DPF3: variants seen among roughly 807,000 people sequenced by gnomAD.
DPF3 encodes zinc finger protein DPF3.
DPF3 carries 18 observed loss-of-function variants against 56.8 expected under a neutral mutation model. The ratio of observed to expected loss-of-function variants is 0.32; its 90% CI spans 0.22 to 0.47. The LOEUF (loss-of-function observed/expected upper bound fraction) is 0.47. DPF3 is among the 20% of genes least tolerant of loss of function. DPF3 has a pLI of 1.00. For missense variants in DPF3, 403 were observed against 488.8 expected, an observed-to-expected ratio of 0.82 and a Z score of 1.65; for synonymous variants, 188 against 180.2, an observed-to-expected ratio of 1.04 and a Z score of -0.35.
intron 9 of DPF3, 117 bp from the exon 10 acceptor site, chr14:72,620,101 C>T: frequency 9.2e-7 from 1 of 1,081,784 alleles, no homozygotes; most frequent in South Asian, 1.9e-5. Flanking sequence ...ATCCCCTTTC[C>T]AGGCCCCACT....
chr14:72,747,397 A>C (rs1890368698), intron 3 of DPF3, among the ~76,000 whole-genome samples: 2 of 152,130 alleles, frequency 1.3e-5, no homozygotes, highest in Non-Finnish European at 2.9e-5. Flanking sequence ...ACAGCTGTTG[A>C]GGGTGACTGC....
At chr14:72,884,953 T>TAG (rs1555516744) in intron 1 of DPF3, among the ~76,000 whole-genome samples, 1 of 73,780 alleles carries the variant, frequency 1.4e-5, no homozygotes, top group Non-Finnish European at 2.9e-5. Flanking sequence ...TATATATATA[T>TAG]ATATATATAT....
At chr14:72,631,705 C>T (rs1035083858) in intron 8 of DPF3, among the ~76,000 whole-genome samples, 2 of 152,216 alleles carry the variant, frequency 1.3e-5, no homozygotes, top group Non-Finnish European at 2.9e-5. Context: ...ACAGAAAAGA[C>T]ACAGTGGGGA....
chr14:72,813,639 G>A lies in DPF3; in HGVS notation c.33-41746C>T, dbSNP rs1173002347. 5.9e-5 allele frequency among the ~76,000 whole-genome samples: 9 copies of A among 152,184 alleles called. 1 individual carries two copies. The highest frequency in any genetic ancestry group is 5.2e-4 in the Admixed American group (8 of 15,286). The stretch of plus-strand genomic sequence containing the variant: ...GAGCAGTGAGAGATAGTGTTGCAGG[G>A]GCCAAAGGCAGCCAGGGGGCTGGAC... On this transcript the variant is annotated intron_variant, in intron 1 of 10. Coordinates refer to ENST00000556509, the MANE Select transcript of DPF3 (RefSeq NM_001280542.3).
intron 1 of DPF3, among the ~76,000 whole-genome samples, chr14:72,782,836 G>GAA (rs34410570): frequency 0.038 from 5,619 of 146,036 alleles, 366 homozygotes; most frequent in African/African-American, 0.13. Flanking sequence ...CCATCTCAAA[G>GAA]AAAAAAAAAA....
chr14:72,733,623 C>A lies in DPF3; in HGVS notation c.302-1689G>T, dbSNP rs188536468. 6.8e-4 allele frequency among the ~76,000 whole-genome samples: 103 copies of A among 152,276 alleles called. No individual in the cohort carries two copies. The East Asian group carries it at 0.016, about 24-fold the overall frequency. On this transcript the variant is annotated intron_variant, in intron 3 of 10. Transcript: ENST00000556509. ...TGCTGCGTCCTCTCCCAAGGGCCAA[C>A]CTTAAACAGAAGCGAGAGGGGAAGG...
intron 9 of DPF3, among the ~76,000 whole-genome samples, chr14:72,625,808 C>T (rs570496585): frequency 3.3e-5 from 5 of 152,274 alleles, no homozygotes; most frequent in Admixed American, 3.3e-4. Flanking sequence ...AAACCAATGC[C>T]TTCAATCTAG....
intron 1 of DPF3, among the ~76,000 whole-genome samples, chr14:72,829,162 TC>T (rs1883943942): frequency 6.6e-6 from 1 of 152,210 alleles, no homozygotes; most frequent in Non-Finnish European, 1.5e-5. Flanking sequence ...TGCCAGGCTT[TC>T]CTTGTTTTCC....
chr14:72,744,753 C>T (rs1480508211), intron 3 of DPF3, among the ~76,000 whole-genome samples: 2 of 152,030 alleles, frequency 1.3e-5, no homozygotes, highest in Non-Finnish European at 2.9e-5. Flanking sequence ...TGGACTCAGG[C>T]AGGGACAGAA....
At chr14:72,723,543 A>T in intron 5 of DPF3, 90 bp downstream of exon 5, 1 of 1,107,864 alleles carries the variant, frequency 9.0e-7, no homozygotes, top group South Asian at 1.6e-5. Flanking sequence ...CATGGCCATG[A>T]TTTCCATCTA....
chr14:72,731,968 A>C, intron 3 of DPF3, 34 bp from the exon 4 acceptor site: 2 of 1,558,026 alleles, frequency 1.3e-6, no homozygotes. Flanking sequence ...AGGTCAGGCC[A>C]CTAGAAGCAG....
chr14:72,633,244 A>AAT (rs1417345027), intron 8 of DPF3, among the ~76,000 whole-genome samples: 14 of 152,118 alleles, frequency 9.2e-5, no homozygotes, highest in Admixed American at 9.2e-4. Flanking sequence ...TGAAACTGAG[A>AAT]ATTCTGGTGG....
At chr14:72,748,161 C>T (rs1310897317) in intron 3 of DPF3, among the ~76,000 whole-genome samples, 1 of 152,174 alleles carries the variant, frequency 6.6e-6, no homozygotes, top group Non-Finnish European at 1.5e-5. Flanking sequence ...ATGACTTTGC[C>T]CCAAATGCTG....
At chr14:72,722,834 G>GTC (rs1336622154) in intron 5 of DPF3, among the ~76,000 whole-genome samples, 1 of 152,124 alleles carries the variant, frequency 6.6e-6, no homozygotes, top group Non-Finnish European at 1.5e-5. Context: ...TGCCTGACCA[G>GTC]TCTCTTGTTT....
At chr14:72,653,387 C>T (rs573239475) in intron 8 of DPF3, among the ~76,000 whole-genome samples, 2 of 152,338 alleles carry the variant, frequency 1.3e-5, no homozygotes, top group South Asian at 2.1e-4. Context: ...GCACCTCTTT[C>T]GGCCTCAGGG....
chr14:72,860,002 C>T (rs1308549594), intron 1 of DPF3, among the ~76,000 whole-genome samples: 2 of 151,874 alleles, frequency 1.3e-5, no homozygotes, highest in Non-Finnish European at 2.9e-5. Context: ...TGTAAGCCCA[C>T]CATGTAAGTA....
chr14:72,732,005 G>A (rs1889676090), intron 3 of DPF3, 71 bp from the exon 4 acceptor site: 3 of 1,531,284 alleles, frequency 2.0e-6, no homozygotes, highest in Non-Finnish European at 2.6e-6. Context: ...AGTCCTGGAG[G>A]ACACGCAGGG....
chr14:72,753,444 C>G, intron 2 of DPF3, 73 bp from the exon 3 acceptor site: 1 of 1,242,060 alleles, frequency 8.1e-7, no homozygotes, highest in East Asian at 2.6e-5. Context: ...CTGACTAACC[C>G]CGTCATTCAC....
intron 8 of DPF3, chr14:72,661,179 T>G (rs1209686440): frequency 1.0e-6 from 1 of 985,250 alleles, no homozygotes; most frequent in Non-Finnish European, 1.2e-6. Context: ...CAGATTATTA[T>G]GATAATTATT....
Sources: gnomAD v4.1 joint callset for allele counts (sites outside exome capture counted in the v4.1 genomes callset) on GRCh38, gnomAD v4.1.1 for gene constraint, MANE v1.5 for transcripts, NCBI Gene and HGNC (gene_info 2026-07-23, HGNC 2026-07-21) for gene names.